THSD7B: variants seen among roughly 807,000 people sequenced by gnomAD.
THSD7B encodes thrombospondin type-1 domain-containing protein 7B.
In THSD7B, 138 loss-of-function variants were observed where a neutral mutation model predicts 213.6. The observed-to-expected ratio is 0.65, with a 90% CI of 0.56 to 0.74. THSD7B has a LOEUF of 0.74. Ranked by LOEUF, THSD7B falls within the 30% of genes least tolerant of loss-of-function variation. The probability of loss-of-function intolerance (pLI) is 0.00; values close to 1 mark genes in which losing one functional copy is unlikely to be tolerated. For synonymous variants in THSD7B, 742 were observed against 687.0 expected (o/e 1.08, Z -1.25); for missense variants, 1,931 against 1,991.5 (o/e 0.97, Z 0.58).
chr2:137,267,389 A>G (rs1047136004), intron 10 of THSD7B, among the ~76,000 whole-genome samples: 2 of 152,202 alleles, frequency 1.3e-5, no homozygotes, highest in Admixed American at 1.3e-4. Context: ...GCTTACAAAT[A>G]TGGCACTTTT....
chr2:137,579,504 G>T (rs1681530754), intron 17 of THSD7B, among the ~76,000 whole-genome samples: 1 of 151,770 alleles, frequency 6.6e-6, no homozygotes, highest in Admixed American at 6.6e-5. Context: ...AAATTAATAT[G>T]CACGTGAGTA....
chr2:137,194,978 GC>G (rs1386287941), intron 7 of THSD7B, among the ~76,000 whole-genome samples: 1 of 152,018 alleles, frequency 6.6e-6, no homozygotes, highest in Non-Finnish European at 1.5e-5. Context: ...GGGAAATCTT[GC>G]CTTTACCTAA....
chr2:137,120,518 G>A (rs1688527695), intron 5 of THSD7B, among the ~76,000 whole-genome samples: 1 of 151,772 alleles, frequency 6.6e-6, no homozygotes, highest in Admixed American at 6.6e-5. Flanking sequence ...GAAGGGAGAG[G>A]GGATGGGGAA....
At chr2:137,136,109 A>G (rs1266796671) in intron 5 of THSD7B, among the ~76,000 whole-genome samples, 1 of 152,158 alleles carries the variant, frequency 6.6e-6, no homozygotes, top group Non-Finnish European at 1.5e-5. Flanking sequence ...CAATGAGAAC[A>G]CATGGACACA....
At chr2:137,389,016 A>G (rs1028700714) in intron 12 of THSD7B, among the ~76,000 whole-genome samples, 8 of 151,728 alleles carry the variant, frequency 5.3e-5, no homozygotes, top group African/African-American at 1.7e-4. Context: ...CTGATTTTCT[A>G]TCCTTTGGAT....
chr2:136,860,936 C>T (rs531509833), intron 1 of THSD7B, among the ~76,000 whole-genome samples: 1 of 152,340 alleles, frequency 6.6e-6, no homozygotes, highest in East Asian at 1.9e-4. Flanking sequence ...GGCTTCAGTG[C>T]CTCAGGACAT....
intron 12 of THSD7B, among the ~76,000 whole-genome samples, chr2:137,308,641 G>T (rs992386570): frequency 1.3e-5 from 2 of 151,704 alleles, no homozygotes; most frequent in Admixed American, 1.3e-4. Flanking sequence ...TTTGCTTTAT[G>T]ATTATAAGAA....
intron 26 of THSD7B, among the ~76,000 whole-genome samples, chr2:137,665,330 C>T (rs1314791464): frequency 1.3e-5 from 2 of 152,078 alleles, no homozygotes; most frequent in Non-Finnish European, 2.9e-5. Flanking sequence ...GGAGATCTAA[C>T]TAACACAGCA....
At chr2:137,164,537 C>T (rs1306880418) in intron 6 of THSD7B, among the ~76,000 whole-genome samples, 1 of 152,100 alleles carries the variant, frequency 6.6e-6, no homozygotes, top group African/African-American at 2.4e-5. Flanking sequence ...TGGGTATATA[C>T]CCAAAGGATT....
chr2:137,126,065 A>C (rs1377558025), intron 5 of THSD7B, among the ~76,000 whole-genome samples: 16 of 152,196 alleles, frequency 1.1e-4, no homozygotes, highest in Admixed American at 9.8e-4. Context: ...GAGCACAAGA[A>C]AAATAGAGCT....
intron 3 of THSD7B, among the ~76,000 whole-genome samples, chr2:137,072,662 G>A (rs1687521306): frequency 6.6e-6 from 1 of 152,150 alleles, no homozygotes; most frequent in Non-Finnish European, 1.5e-5. Flanking sequence ...TGGTGAGAGG[G>A]GGCGTCCCTG....
At chr2:137,323,268 G>A (rs1684300101) in intron 12 of THSD7B, among the ~76,000 whole-genome samples, 1 of 152,236 alleles carries the variant, frequency 6.6e-6, no homozygotes, top group Admixed American at 6.5e-5. Flanking sequence ...GTCAGAGGTG[G>A]AGGTAGCATG....
chr2:137,233,831 GAA>G (rs2105057052), intron 9 of THSD7B, among the ~76,000 whole-genome samples: 1 of 152,308 alleles, frequency 6.6e-6, no homozygotes, highest in African/African-American at 2.4e-5. Flanking sequence ...GTCCCTGTGG[GAA>G]GGCTGGTAAA....
intron 21 of THSD7B, among the ~76,000 whole-genome samples, chr2:137,650,840 C>T (rs1032507663): frequency 6.6e-6 from 1 of 152,102 alleles, no homozygotes; most frequent in African/African-American, 2.4e-5. Context: ...TTGAAATGAT[C>T]GTATGGTTTT....
intron 1 of THSD7B, among the ~76,000 whole-genome samples, chr2:136,822,960 T>C (rs1239512751): frequency 6.6e-6 from 1 of 152,254 alleles, no homozygotes; most frequent in Non-Finnish European, 1.5e-5. Context: ...GGTGTACTGA[T>C]GGGGAGCTTT....
intron 6 of THSD7B, among the ~76,000 whole-genome samples, chr2:137,161,363 T>C (rs1329354867): frequency 1.3e-5 from 2 of 152,222 alleles, no homozygotes; most frequent in East Asian, 1.9e-4. Flanking sequence ...AATTAGGTTC[T>C]AGTTATTACA....
intron 10 of THSD7B, among the ~76,000 whole-genome samples, chr2:137,264,984 C>A (rs918196982): frequency 6.6e-6 from 1 of 151,966 alleles, no homozygotes; most frequent in Admixed American, 6.6e-5. Flanking sequence ...CCTCTCCCCC[C>A]ACGCCACAAC....
At chr2:137,463,847 G>T (rs1322785258) in intron 15 of THSD7B, among the ~76,000 whole-genome samples, 8 of 152,052 alleles carry the variant, frequency 5.3e-5, no homozygotes. Context: ...AAATGAGGTG[G>T]AATTTTGCAC....
intron 3 of THSD7B, among the ~76,000 whole-genome samples, chr2:137,066,220 C>CTGG (rs1172706441): frequency 2.5e-5 from 3 of 120,044 alleles, no homozygotes; most frequent in East Asian, 5.1e-4. Context: ...GAGACAGAGT[C>CTGG]TGGCTCTGTC....
Sources: allele counts gnomAD v4.1 joint callset (sites outside exome capture counted in the v4.1 genomes callset), GRCh38; gene constraint gnomAD v4.1.1; transcripts MANE v1.5; gene names NCBI Gene and HGNC (gene_info 2026-07-23, HGNC 2026-07-21).